The following NLRP11 variants were observed in gnomAD, a reference collection of about 807,000 sequenced individuals.
The protein encoded by NLRP11 is NACHT, LRR and PYD domains-containing protein 11.
NLRP11 carries 53 observed loss-of-function variants against 79.3 expected under a neutral mutation model. The ratio of observed to expected loss-of-function variants is 0.67; its 90% CI spans 0.54 to 0.84. The LOEUF (loss-of-function observed/expected upper bound fraction) is 0.84, where lower values mean the gene tolerates loss of function less well. Among genes scored for constraint, NLRP11 ranks in the 40% least tolerant of loss-of-function variants. The pLI is 0.00. For synonymous variants in NLRP11, 518 were observed against 462.6 expected, an observed-to-expected ratio of 1.12 and a Z score of -1.54; for missense variants, 1,264 against 1,255.0, an observed-to-expected ratio of 1.01 and a Z score of -0.11.
chr19:55,818,572 G>A (rs1055794391), intron 1 of NLRP11, among the ~76,000 whole-genome samples: 2 of 152,190 alleles, frequency 1.3e-5, no homozygotes. Flanking sequence ...ACCCTATGCA[G>A]ATTGGAAATC....
intron 1 of NLRP11, among the ~76,000 whole-genome samples, chr19:55,823,134 C>A (rs1981964140): frequency 6.8e-6 from 1 of 146,836 alleles, no homozygotes; most frequent in Non-Finnish European, 1.5e-5. Flanking sequence ...AACTGGGAGG[C>A]ACCCCCCAGC....
chr19:55,806,318 A>T (rs1164240865), intron 4 of NLRP11, among the ~76,000 whole-genome samples: 1 of 152,200 alleles, frequency 6.6e-6, no homozygotes. Context: ...CACCTAATAG[A>T]CATCACAGCT....
chr19:55,835,084 A>C (rs1983120385), upstream of NLRP11, among the ~76,000 whole-genome samples: 1 of 152,186 alleles, frequency 6.6e-6, no homozygotes, highest in African/African-American at 2.4e-5. Context: ...TGGACCACAG[A>C]GACTTGTGTT....
chr19:55,821,571 TC>T (rs1981742152), intron 1 of NLRP11, among the ~76,000 whole-genome samples: 1 of 152,168 alleles, frequency 6.6e-6, no homozygotes, highest in African/African-American at 2.4e-5. Flanking sequence ...TTGAATGACG[TC>T]CTCCTAAACT....
upstream of NLRP11, among the ~76,000 whole-genome samples, chr19:55,833,536 C>G (rs1052351641): frequency 6.6e-6 from 1 of 151,732 alleles, no homozygotes; most frequent in Non-Finnish European, 1.5e-5. Context: ...GAGGCTGAAG[C>G]GGGCAGATCA....
rs552343727 is a variant in NLRP11 at position 55,788,496 on chromosome 19, T to A, written c.2855+311A>T. 4.2e-4 allele frequency among the ~76,000 whole-genome samples: 63 copies of A among 151,380 alleles called. 2 individuals carry two copies. In the South Asian group the frequency reaches 0.012, roughly 30 times the overall value. Reference sequence around the variant, plus strand: ...TGGCTCACGCCTATAATCCCAGCACTTCGGGAGGCCAAGGTGGACAGATCA... The same window carrying A: ...TGGCTCACGCCTATAATCCCAGCACATCGGGAGGCCAAGGTGGACAGATCA... On this transcript the variant is annotated intron_variant, in intron 9 of 9. Coordinates refer to ENST00000589093, the Ensembl canonical transcript of NLRP11.
At chr19:55,806,865 C>T (rs759072705) in intron 4 of NLRP11, among the ~76,000 whole-genome samples, 5 of 152,112 alleles carry the variant, frequency 3.3e-5, no homozygotes, top group Non-Finnish European at 5.9e-5. Context: ...GGATCCCTCC[C>T]ATCCCAGGGG....
rs369525923 is a variant in NLRP11 at position 55,788,864 on chromosome 19, C to G, written c.2798G>C (p.Gly933Ala). The G allele has an allele frequency of 3.1e-5, 50 of 1,613,224 alleles. No homozygotes were observed. Among genetic ancestry groups the G allele is most frequent in the Non-Finnish European group, 4.2e-5 (50 of 1,179,778 alleles). ...CAAGCTCTCAAGAAGTTTTGCAACT[C>G]CATCATTGCCCAAGTGATTTTGAAG... Residue 933 changes from glycine (G) to alanine (A), a missense_variant, in exon 9 of 10, where the codon GGA (glycine) becomes GCA (alanine). Physicochemically the swap from Gly to Ala is moderately conservative, Grantham distance 60. Transcript: ENST00000589093.
intron 1 of NLRP11, among the ~76,000 whole-genome samples, chr19:55,823,036 G>C (rs528261467): frequency 9.1e-4 from 136 of 150,052 alleles, no homozygotes; most frequent in Non-Finnish European, 1.1e-3. Context: ...GAAGAGAGCA[G>C]TGGTTCTCCC....
intron 2 of NLRP11, among the ~76,000 whole-genome samples, chr19:55,817,669 G>A (rs970879065): frequency 1.3e-5 from 2 of 152,212 alleles, no homozygotes; most frequent in Admixed American, 6.5e-5. Flanking sequence ...GGGACTCGGC[G>A]GGAAGTGTGA....
intron 1 of NLRP11, among the ~76,000 whole-genome samples, chr19:55,820,406 A>G (rs1319735340): frequency 6.6e-6 from 1 of 152,130 alleles, no homozygotes; most frequent in African/African-American, 2.4e-5. Context: ...GGACAGATGA[A>G]AGGCCACCAG....
chr19:55,822,605 C>T (rs897460666), intron 1 of NLRP11, among the ~76,000 whole-genome samples: 103 of 152,078 alleles, frequency 6.8e-4, no homozygotes, highest in African/African-American at 2.1e-3. Flanking sequence ...ACCTGGGAAG[C>T]GCGAGGGGTC....
At chr19:55,790,288 T>C (rs1454248765) in intron 7 of NLRP11, among the ~76,000 whole-genome samples, 1 of 152,214 alleles carries the variant, frequency 6.6e-6, no homozygotes, top group Non-Finnish European at 1.5e-5. Context: ...GATAATAGTT[T>C]AGGCTTCACC....
intron 1 of NLRP11, among the ~76,000 whole-genome samples, chr19:55,818,704 C>T (rs532143431): frequency 3.0e-4 from 45 of 152,174 alleles, no homozygotes; most frequent in African/African-American, 1.0e-3. Context: ...GTCATTGATA[C>T]GTATAAGGAC....
upstream of NLRP11, among the ~76,000 whole-genome samples, chr19:55,834,300 A>C (rs938103068): frequency 6.6e-6 from 1 of 152,152 alleles, no homozygotes; most frequent in African/African-American, 2.4e-5. Context: ...CATGCAAATA[A>C]AAACAGAACA....
chr19:55,836,277 T>C (rs943869616), upstream of NLRP11: 7 of 152,130 alleles, frequency 4.6e-5, no homozygotes, highest in Non-Finnish European at 1.0e-4. Context: ...ATGAACCATT[T>C]TGGAGAGACT....
chr19:55,788,837 A>G (rs1411098509), exon 9 of NLRP11: 1 of 1,609,752 alleles, frequency 6.2e-7, no homozygotes. Flanking sequence ...ATCTGGGCTG[A>G]TCAAGCTCTC....
chr19:55,813,253 A>G (rs1473620049), intron 2 of NLRP11, among the ~76,000 whole-genome samples: 1 of 152,150 alleles, frequency 6.6e-6, no homozygotes, highest in Non-Finnish European at 1.5e-5. Context: ...ACTTGAACCA[A>G]GGAAGCAGAG....
chr19:55,785,995 T>G, intron 9 of NLRP11, 124 bp from the exon 10 acceptor site: 1 of 1,001,906 alleles, frequency 1.0e-6, no homozygotes, highest in Non-Finnish European at 1.5e-6. Flanking sequence ...AAGCCATCTC[T>G]GAGGAAACAA....
Sources: gnomAD v4.1 joint callset for allele counts (sites outside exome capture counted in the v4.1 genomes callset) on GRCh38, gnomAD v4.1.1 for gene constraint, MANE v1.5 for transcripts, NCBI Gene and HGNC (gene_info 2026-07-23, HGNC 2026-07-21) for gene names.